Variants in BNC2 observed in about 807,000 individuals in gnomAD.
BNC2 encodes basonuclin zinc finger protein 2.
In BNC2, 20 loss-of-function variants were observed where a neutral mutation model predicts 76.3. That is an observed-to-expected ratio of 0.26 (90% CI 0.18 to 0.38). BNC2 has a LOEUF of 0.38. Ranked by LOEUF, BNC2 falls within the 10% of genes least tolerant of loss-of-function variation. The pLI, the probability that BNC2 is intolerant of heterozygous loss-of-function variation, is 1.00. For synonymous variants in BNC2, 582 were observed against 514.8 expected (o/e 1.13, Z -1.77); for missense variants, 1,382 against 1,399.8 (o/e 0.99, Z 0.20).
intron 5 of BNC2, among the ~76,000 whole-genome samples, chr9:16,457,206 T>A (rs1044933952): frequency 6.6e-6 from 1 of 152,168 alleles, no homozygotes; most frequent in African/African-American, 2.4e-5. Flanking sequence ...AGGAAGAAGA[T>A]CATATGGAAC....
At chr9:16,504,126 T>C (rs1283320840) in intron 5 of BNC2, among the ~76,000 whole-genome samples, 4 of 152,126 alleles carry the variant, frequency 2.6e-5, no homozygotes, top group South Asian at 2.1e-4. Context: ...CACCCATTTA[T>C]CTAAGTCATA....
At chr9:16,733,088 T>G (rs1210255148) in intron 2 of BNC2, among the ~76,000 whole-genome samples, 1 of 152,188 alleles carries the variant, frequency 6.6e-6, no homozygotes, top group Non-Finnish European at 1.5e-5. Context: ...ATATGCAAAT[T>G]ATGCAGCAGG....
rs994616350 is a variant in BNC2, at chr9:16,409,968, A to T, written c.*9021T>A. The T allele has an allele frequency of 6.6e-6, 1 of 152,326 alleles. No homozygotes were observed. Among genetic ancestry groups the T allele is most frequent in the East Asian group, 1.9e-4 (1 of 5,196 alleles). 9.4% of individuals were successfully genotyped at this position (152,326 alleles called of 1,614,324 possible). The stretch of plus-strand genomic sequence containing the variant: ...AGCTAAACTCTGGGAGAGGGAGAGG[A>T]CATATCTTAGTGAAAATTCCTTTTC... On this transcript the variant is annotated 3_prime_UTR_variant, in exon 7 of 7. Transcript: ENST00000380672.
chr9:16,748,922 C>CTATATATATATATATATATATA (rs34314862), intron 1 of BNC2, among the ~76,000 whole-genome samples: 2 of 130,570 alleles, frequency 1.5e-5, no homozygotes, highest in African/African-American at 6.2e-5. Flanking sequence ...ACTTTTTATA[C>CTATATATATATATATATATATA]TATATATATA....
At chr9:16,863,874 G>A (rs1201610879) in intron 1 of BNC2, among the ~76,000 whole-genome samples, 9 of 151,982 alleles carry the variant, frequency 5.9e-5, no homozygotes, top group Admixed American at 2.0e-4. Flanking sequence ...GAAATCAGGA[G>A]ACAAAAATAT....
At chr9:16,834,377 T>C (rs951104118) in intron 1 of BNC2, among the ~76,000 whole-genome samples, 1 of 152,210 alleles carries the variant, frequency 6.6e-6, no homozygotes, top group Admixed American at 6.5e-5. Context: ...TTTTGAAAAC[T>C]GTAGCCACTT....
intron 3 of BNC2, among the ~76,000 whole-genome samples, chr9:16,624,944 T>C (rs946348330): frequency 6.6e-6 from 1 of 152,220 alleles, no homozygotes; most frequent in Non-Finnish European, 1.5e-5. Context: ...GTGTACATCC[T>C]TTAAAAAGTT....
intron 1 of BNC2, among the ~76,000 whole-genome samples, chr9:16,755,538 C>G (rs1310631846): frequency 6.6e-6 from 1 of 152,128 alleles, no homozygotes; most frequent in Non-Finnish European, 1.5e-5. Context: ...GATGACCCCC[C>G]CATCCTTTCT....
intron 3 of BNC2, among the ~76,000 whole-genome samples, chr9:16,622,584 G>C (rs545319974): frequency 6.6e-6 from 1 of 152,282 alleles, no homozygotes; most frequent in South Asian, 2.1e-4. Flanking sequence ...CCAAGAAAGT[G>C]TATCTGAAAT....
chr9:16,757,774 T>A (rs561911223), intron 1 of BNC2, among the ~76,000 whole-genome samples: 15 of 152,304 alleles, frequency 9.8e-5, no homozygotes, highest in African/African-American at 3.6e-4. Flanking sequence ...TTCTGTTATT[T>A]AAAAGCAAAA....
At chr9:16,817,205 A>C (rs1818206799) in intron 1 of BNC2, among the ~76,000 whole-genome samples, 1 of 152,200 alleles carries the variant, frequency 6.6e-6, no homozygotes, top group Non-Finnish European at 1.5e-5. Context: ...TACACACACA[A>C]GAGACTGGTG....
intron 4 of BNC2, among the ~76,000 whole-genome samples, chr9:16,566,098 T>A (rs1819159599): frequency 6.6e-6 from 1 of 152,216 alleles, no homozygotes; most frequent in Non-Finnish European, 1.5e-5. Context: ...TTTCGATTTA[T>A]ATTCTATTTT....
chr9:16,568,515 C>G (rs1341008471), intron 4 of BNC2, among the ~76,000 whole-genome samples: 2 of 152,004 alleles, frequency 1.3e-5, no homozygotes, highest in African/African-American at 4.8e-5. Context: ...TTTCAATGTA[C>G]CTAGCCCATG....
chr9:16,489,666 T>C (rs1822234736), intron 5 of BNC2, among the ~76,000 whole-genome samples: 1 of 152,234 alleles, frequency 6.6e-6, no homozygotes, highest in Non-Finnish European at 1.5e-5. Flanking sequence ...TGATATTTTA[T>C]GTTACCTGCC....
intron 1 of BNC2, among the ~76,000 whole-genome samples, chr9:16,867,081 C>T (rs542344572): frequency 3.9e-4 from 60 of 152,080 alleles, no homozygotes; most frequent in South Asian, 2.1e-4. Flanking sequence ...TTAAACCATA[C>T]GACATAAATT....
At chr9:16,855,348 T>C (rs1819227921) in intron 1 of BNC2, among the ~76,000 whole-genome samples, 1 of 152,238 alleles carries the variant, frequency 6.6e-6, no homozygotes, top group Non-Finnish European at 1.5e-5. Context: ...TGACAGCTTC[T>C]ACTTCATCTG....
chr9:16,866,166 T>C (rs1245693567), intron 1 of BNC2, among the ~76,000 whole-genome samples: 2 of 152,164 alleles, frequency 1.3e-5, no homozygotes, highest in Non-Finnish European at 2.9e-5. Context: ...ATCACAAATG[T>C]TAATGGAAAG....
intron 1 of BNC2, among the ~76,000 whole-genome samples, chr9:16,826,107 C>T (rs1818448608): frequency 6.6e-6 from 1 of 152,126 alleles, no homozygotes; most frequent in South Asian, 2.1e-4. Context: ...GCCATAATCC[C>T]CTGCAGCTGG....
chr9:16,832,438 G>T, intron 1 of BNC2: 1 of 416,588 alleles, frequency 2.4e-6, no homozygotes, highest in South Asian at 3.0e-5. Flanking sequence ...TACAAGACTT[G>T]ATCTGCTTAC....
Sources: allele counts gnomAD v4.1 joint callset (sites outside exome capture counted in the v4.1 genomes callset), GRCh38; gene constraint gnomAD v4.1.1; transcripts MANE v1.5; gene names NCBI Gene and HGNC (gene_info 2026-07-23, HGNC 2026-07-21).